IGSF9: variants seen among roughly 807,000 people sequenced by gnomAD.
The protein encoded by IGSF9 is protein turtle homolog A.
IGSF9 carries 87 observed loss-of-function variants against 121.7 expected under a neutral mutation model. That is an observed-to-expected ratio of 0.71 (90% confidence interval 0.60 to 0.85). The LOEUF is 0.85. IGSF9 is among the 40% of genes least tolerant of loss of function. The pLI, the probability that IGSF9 is intolerant of heterozygous loss-of-function variation, is 0.00. For missense variants in IGSF9, 1,462 were observed against 1,565.3 expected, an observed-to-expected ratio of 0.93 and a Z score of 1.11; for synonymous variants, 640 against 648.4, an observed-to-expected ratio of 0.99 and a Z score of 0.20.
Position 159,936,423 on chromosome 1 carries a change from G to A in IGSF9, c.649C>T (p.His217Tyr), listed in dbSNP as rs774422090. The A allele has an allele frequency of 1.2e-6, 2 of 1,614,030 alleles. No homozygotes were observed. The highest frequency in any genetic ancestry group is 2.2e-5 in the East Asian group (1 of 44,888). The change falls in exon 6 of 21, where the codon CAC (histidine) becomes TAC (tyrosine). Residue 217 changes from histidine (H) to tyrosine (Y), a missense_variant. His to Tyr is a moderately conservative substitution (Grantham distance 83, BLOSUM62 2). This residue lies in a region of IGSF9 where 558 missense variants were observed against 599.4 expected (regional missense o/e 0.93). Coordinates refer to ENST00000368094, the MANE Select transcript of IGSF9 (RefSeq NM_001135050.2). ...QASSTEGSAT[H>Y]ATQLLVLGPP... ...CCTAGCACTAGCAGCTGGGTGGCGT[G>A]GGTGGCGCTGCCCTCAGTGCTGGAG... is the stretch of plus-strand genomic sequence containing the variant.
Position 159,943,012 on chromosome 1 carries a change from G to A in IGSF9, c.198C>T (p.Ile66=). 1.9e-6 allele frequency: 3 copies of A among 1,613,594 alleles called. No homozygotes were observed. Among genetic ancestry groups the A allele is most frequent in the Non-Finnish European group, 2.5e-6 (3 of 1,179,758 alleles). Residue 66 remains isoleucine (I), a synonymous_variant, in exon 3 of 21, where the codon ATC becomes ATT. Transcript: ENST00000368094. ...EWLRFGFLLP[I]FIQFGLYSPR... ...GAGAGTAGAGGCCGAACTGGATGAA[G>A]ATGGGAAGCAGGAATCCAAAGCGCA...
At position 159,932,275 on chromosome 1, in the gene IGSF9, A is replaced by C. The variant is rs1651026455; in HGVS notation, c.1245+237T>G. On this transcript the variant is annotated intron_variant, in intron 10 of 20. Transcript: ENST00000368094. The surrounding 1 kb of genome is among the most constrained non-coding windows in gnomAD (Gnocchi z 4.1). ...GGTCAAGGTTAGTGAGAGTTGGGGCAAACAGGATATCTTACTTCTGGATGT... is the reference window on the plus strand; with the variant it reads ...GGTCAAGGTTAGTGAGAGTTGGGGCCAACAGGATATCTTACTTCTGGATGT... 1.7e-6 allele frequency: 1 copy of C among 589,776 alleles called. No homozygotes were observed. The highest frequency in any genetic ancestry group is 3.0e-6 in the Non-Finnish European group (1 of 331,826). 36.5% of individuals were successfully genotyped at this position (589,776 alleles called of 1,614,324 possible). A position where few individuals can be genotyped will look rare whatever the true frequency, so the allele number is the denominator to read the frequency against.
chr1:159,930,152 C>G, intron 15 of IGSF9, 37 bp downstream of exon 15: 1 of 1,571,196 alleles, frequency 6.4e-7, no homozygotes, highest in Non-Finnish European at 8.7e-7. Flanking sequence ...AGGAGAGCCC[C>G]TAGGAGGCCT....
intron 3 of IGSF9, 147 bp downstream of exon 3, chr1:159,942,816 C>T (rs978689563): frequency 1.6e-6 from 1 of 640,666 alleles, no homozygotes; most frequent in African/African-American, 1.9e-5. Flanking sequence ...GGAGCACAGC[C>T]ATGCTTATTA....
chr1:159,936,359 A>T (rs548139615), intron 6 of IGSF9, 40 bp downstream of exon 6: 1 of 1,554,842 alleles, frequency 6.4e-7, no homozygotes, highest in African/African-American at 1.4e-5. Flanking sequence ...GCCCCCTTGC[A>T]TAGGTAACCC....
At chr1:159,943,188 T>G (rs373082345) in intron 2 of IGSF9, 37 bp from the exon 3 acceptor site, 1 of 1,551,994 alleles carries the variant, frequency 6.4e-7, no homozygotes, top group Non-Finnish European at 8.7e-7. Context: ...AACGGGGGGC[T>G]AGGGTCAGTG....
Position 159,931,530 on chromosome 1 carries a change from T to G in IGSF9, c.1436A>C (p.Glu479Ala). The part of the protein sequence containing the change: ...SSLILRPLTK[E>A]AHGHWECSAS... ...ACTGCATTCCCAGTGCCCGTGGGCCTCCTTGGTCAATGGTCGCAGGATGAG... is the reference window on the plus strand; with the variant it reads ...ACTGCATTCCCAGTGCCCGTGGGCCGCCTTGGTCAATGGTCGCAGGATGAG... Residue 479 changes from glutamate (E) to alanine (A), a missense_variant, in exon 12 of 21, where the codon GAG becomes GCG. This residue lies in a region of IGSF9 where 96 missense variants were observed against 150.7 expected (regional missense o/e 0.64). Transcript: ENST00000368094. The surrounding 1 kb of genome is among the most constrained non-coding windows in gnomAD (Gnocchi z 4.8). 7 of 1,614,140 alleles carry G rather than the reference T, an allele frequency of 4.3e-6. No homozygotes were observed. The highest frequency in any genetic ancestry group is 5.9e-6 in the Non-Finnish European group (7 of 1,180,004).
rs141214832 is a variant in IGSF9 at position 159,937,442 on chromosome 1, T to A, written c.400+244A>T. 4.4e-3 allele frequency among the ~76,000 whole-genome samples: 664 copies of A among 151,306 alleles called. 2 individuals carry two copies. The highest frequency in any genetic ancestry group is 7.4e-3 in the Non-Finnish European group (503 of 67,758). The stretch of plus-strand genomic sequence containing the variant: ...AGCAGGAGGGAAGAGAAAGAGGGAG[T>A]TCCTGACACCGAGCCTAGAAGGCTG... On this transcript the variant is annotated intron_variant, in intron 4 of 20. Transcript: ENST00000368094.
In IGSF9 at chr1:159,932,423, C is replaced by T; in HGVS notation, c.1245+89G>A. ...GGAAACCCCTCCCCATGTGTCTGCC[C>T]CACCCCACCCCCATCAGCCTGGCCT... is the stretch of plus-strand genomic sequence containing the variant. On this transcript the variant is annotated intron_variant, in intron 10 of 20. Transcript: ENST00000368094. The surrounding 1 kb of genome is among the most constrained non-coding windows in gnomAD (Gnocchi z 4.1). 1 of 1,294,276 alleles carries T rather than the reference C, an allele frequency of 7.7e-7. No homozygotes were observed. The highest frequency in any genetic ancestry group is 1.3e-5 in the South Asian group (1 of 78,860). 80.2% of individuals were successfully genotyped at this position (1,294,276 alleles called of 1,614,324 possible).
rs1247118755 is a variant in IGSF9 at position 159,928,430 on chromosome 1, T to C, written c.2958A>G (p.Val986=). 1 of 1,603,838 alleles carries C rather than the reference T, an allele frequency of 6.2e-7. No homozygotes were observed. Among genetic ancestry groups the C allele is most frequent in the Non-Finnish European group, 8.5e-7 (1 of 1,174,776 alleles). Residue 986 remains valine (V), a synonymous_variant, in exon 19 of 21, where the codon GTA becomes GTG. Coordinates refer to ENST00000368094, the MANE Select transcript of IGSF9 (RefSeq NM_001135050.2). Reference sequence around the variant, plus strand: ...GGGGCTCTGCAGTGGCCCCAGCCCCTACCACAGCCCCAGGAAGTGATTCCC... The same window carrying C: ...GGGGCTCTGCAGTGGCCCCAGCCCCCACCACAGCCCCAGGAAGTGATTCCC... The part of the protein sequence containing the change: ...SPRESLPGAV[V]GAGATAEPPY...
In IGSF9 at chr1:159,931,269, G is replaced by T. The variant is rs752855170; in HGVS notation, c.1514-8C>A. On this transcript the variant is annotated splice_polypyrimidine_tract_variant and splice_region_variant and intron_variant, in intron 12 of 20. Transcript: ENST00000368094. The surrounding 1 kb of genome is among the most constrained non-coding windows in gnomAD (Gnocchi z 4.8). ...CAACATGAGGGCTAGTGCCTAGGCA[G>T]GGGGGAATGGAGGGATGGTGGTCAG... 6.2e-7 allele frequency: 1 copy of T among 1,613,010 alleles called. No individual in the cohort carries two copies. The highest frequency in any genetic ancestry group is 8.5e-7 in the Non-Finnish European group (1 of 1,179,826).
chr1:159,929,587 G>A (rs1163235348), intron 17 of IGSF9, 51 bp downstream of exon 17: 1 of 1,554,416 alleles, frequency 6.4e-7, no homozygotes, highest in Non-Finnish European at 8.7e-7. Context: ...AGGGGCTTAA[G>A]GAGGCTAGGC....
In IGSF9 at chr1:159,928,700, C is replaced by G; in HGVS notation, c.2688G>C (p.Gln896His). ...CSSSSPSGAP[Q>H]PLCIEDISPV... ...GGCTGATGTCTTCAATGCAGAGGGG[C>G]TGGGGTGCCCCACTGGGGCTGCTGC... The change falls in exon 19 of 21, where the codon CAG (glutamine) becomes CAC (histidine). Residue 896 changes from glutamine to histidine, a missense_variant. Around this residue, in one of 3 missense-constraint regions of IGSF9, gnomAD observed 808 missense variants for 815.2 expected, o/e 0.99. Transcript: ENST00000368094. 1.4e-6 allele frequency: 2 copies of G among 1,477,998 alleles called. No homozygotes were observed. The highest frequency in any genetic ancestry group is 2.8e-5 in the South Asian group (2 of 70,902). 91.6% of individuals were successfully genotyped at this position (1,477,998 alleles called of 1,614,324 possible).
Position 159,931,363 on chromosome 1 carries a change from G to A in IGSF9, c.1513+90C>T. On this transcript the variant is annotated intron_variant, in intron 12 of 20. Transcript: ENST00000368094. The surrounding 1 kb of genome is among the most constrained non-coding windows in gnomAD (Gnocchi z 4.8). ...GACCTTCACCCATCATCATCCCAGGGGTCCCACACCCATGATCCTCTTTCT... is the reference window on the plus strand; with the variant it reads ...GACCTTCACCCATCATCATCCCAGGAGTCCCACACCCATGATCCTCTTTCT... 1 of 1,597,574 alleles carries A rather than the reference G, an allele frequency of 6.3e-7. No homozygotes were observed. Among genetic ancestry groups the A allele is most frequent in the Non-Finnish European group, 8.5e-7 (1 of 1,169,602 alleles).
intron 6 of IGSF9, 45 bp from the exon 7 acceptor site, chr1:159,934,867 T>C: frequency 6.2e-7 from 1 of 1,610,856 alleles, no homozygotes; most frequent in South Asian, 1.1e-5. Flanking sequence ...GCCCACAGTC[T>C]TCCCAGAACC....
rs199546899 is a variant in IGSF9 at position 159,928,509 on chromosome 1, C to T, written c.2879G>A (p.Arg960His). Reference protein sequence around the residue: ...AAPPDYMDTRRCPTSSFLRSP... With the variant: ...AAPPDYMDTRHCPTSSFLRSP... ...ACGAAGGAAAGATGAGGTGGGACAG[C>T]GCCGGGTATCCATGTAATCTGGGGG... Residue 960 changes from arginine (R) to histidine (H), a missense_variant, in exon 19 of 21, where the codon CGC becomes CAC. Arg to His is a conservative substitution (Grantham distance 29). Transcript: ENST00000368094. The T allele has an allele frequency of 5.7e-6, 9 of 1,569,864 alleles. No homozygotes were observed. The East Asian group carries it at 6.8e-5, about 12-fold the overall frequency.
intron 20 of IGSF9, 92 bp from the exon 21 acceptor site, chr1:159,927,618 G>A: frequency 6.5e-7 from 1 of 1,540,988 alleles, no homozygotes; most frequent in Non-Finnish European, 8.8e-7. Flanking sequence ...TTCCAGTACA[G>A]ATGGCCCAAG....
Position 159,927,569 on chromosome 1 carries a change from C to G in IGSF9, c.3359-43G>C, listed in dbSNP as rs1650786425. On this transcript the variant is annotated intron_variant, in intron 20 of 20. Coordinates refer to ENST00000368094, the MANE Select transcript of IGSF9 (RefSeq NM_001135050.2). Reference sequence around the variant, plus strand: ...GACAATGAGAAGAAGCCCTGAGGTTCACTGAGTGAAGAGCTCAGATGTGAA... The same window carrying G: ...GACAATGAGAAGAAGCCCTGAGGTTGACTGAGTGAAGAGCTCAGATGTGAA... 12 of 1,591,120 alleles carry G rather than the reference C, an allele frequency of 7.5e-6. No homozygotes were observed. The South Asian group carries it at 1.4e-4, about 18-fold the overall frequency.
In IGSF9 at chr1:159,943,461, G is replaced by T. The variant is rs1443156383; in HGVS notation, c.-7C>A. On this transcript the variant is annotated 5_prime_UTR_variant, in exon 2 of 21. It adds an upstream start codon to the 5' untranslated region. Transcript: ENST00000368094. ...GGCCGAGGCACCACACCATAGCCCA[G>T]CTGGCCTGCTCACCCAGCCCCTCCT... is the stretch of plus-strand genomic sequence containing the variant. 1 of 1,561,384 alleles carries T rather than the reference G, an allele frequency of 6.4e-7. No individual in the cohort carries two copies. Among genetic ancestry groups the T allele is most frequent in the Non-Finnish European group, 8.7e-7 (1 of 1,153,516 alleles).
Sources: allele counts gnomAD v4.1 joint callset (sites outside exome capture counted in the v4.1 genomes callset), GRCh38; gene constraint gnomAD v4.1.1; regional missense constraint gnomAD v4.1.1; non-coding constraint Gnocchi (gnomAD v3.1); transcripts MANE v1.5; gene names NCBI Gene and HGNC (gene_info 2026-07-23, HGNC 2026-07-21).